Variants in PROM1 observed in about 807,000 individuals in gnomAD.
The protein encoded by PROM1 is prominin-1.
Under a neutral mutation model 116.9 loss-of-function variants are expected in PROM1, and 105 were observed. The observed-to-expected ratio is 0.90, with a 90% confidence interval of 0.77 to 1.06. The LOEUF is 1.06. Among genes scored for constraint, PROM1 ranks in the 50% least tolerant of loss-of-function variants. PROM1 has a pLI of 0.00. For missense variants in PROM1, 1,122 were observed against 1,045.2 expected (o/e 1.07, Z -1.01); for synonymous variants, 393 against 387.0 (o/e 1.02, Z -0.18).
chr4:16,076,153 T>C (rs1743907379), intron 1 of PROM1, 35 bp from the exon 2 acceptor site: 4 of 691,266 alleles, frequency 5.8e-6, no homozygotes, highest in Admixed American at 6.4e-5. Context: ...GAGTCATCAA[T>C]GCGTGTAAAC....
chr4:16,060,144 C>T (rs1739965542), intron 2 of PROM1, among the ~76,000 whole-genome samples: 1 of 152,146 alleles, frequency 6.6e-6, no homozygotes, highest in Non-Finnish European at 1.5e-5. Context: ...AGGAATGGGA[C>T]TGAAGCTTCA....
At chr4:15,978,524 G>A (rs1716816473) in intron 26 of PROM1, among the ~76,000 whole-genome samples, 1 of 152,188 alleles carries the variant, frequency 6.6e-6, no homozygotes, top group African/African-American at 2.4e-5. Flanking sequence ...CCAAAGCTGT[G>A]GGCTTACCTG....
chr4:16,009,608 G>T (rs1726375834), intron 11 of PROM1, among the ~76,000 whole-genome samples: 1 of 151,932 alleles, frequency 6.6e-6, no homozygotes, highest in Admixed American at 6.6e-5. Context: ...ACATGCTTTT[G>T]GGAAAATAAA....
chr4:15,976,006 C>T (rs928830368), intron 26 of PROM1, among the ~76,000 whole-genome samples: 2 of 152,146 alleles, frequency 1.3e-5, no homozygotes, highest in Non-Finnish European at 2.9e-5. Context: ...TGCTGTGGAC[C>T]GTTAAGGAAG....
chr4:16,078,148 C>A (rs1419836092), intron 1 of PROM1: 1 of 152,370 alleles, frequency 6.6e-6, no homozygotes, highest in African/African-American at 2.4e-5. Context: ...GCAGCTGTGG[C>A]TCCAGCATCT....
chr4:16,039,868 T>A (rs761038373), intron 2 of PROM1, among the ~76,000 whole-genome samples: 12 of 152,056 alleles, frequency 7.9e-5, no homozygotes, highest in Non-Finnish European at 1.5e-4. Context: ...CACATAGGCC[T>A]GGGACCAAAA....
chr4:15,991,730 C>T (rs1345910266), intron 17 of PROM1, among the ~76,000 whole-genome samples: 1 of 150,560 alleles, frequency 6.6e-6, no homozygotes, highest in African/African-American at 2.4e-5. Flanking sequence ...GTCAAGGGAT[C>T]GAGACTATCC....
At chr4:15,992,531 T>C (rs1721327379) in intron 16 of PROM1, 140 bp from the exon 17 acceptor site, 4 of 847,874 alleles carry the variant, frequency 4.7e-6, no homozygotes, top group Non-Finnish European at 7.0e-6. Flanking sequence ...GGTGGGAGGA[T>C]CGCTTGAGCT....
At chr4:16,049,582 C>T (rs1308384123) in intron 2 of PROM1, among the ~76,000 whole-genome samples, 1 of 152,088 alleles carries the variant, frequency 6.6e-6, no homozygotes, top group Non-Finnish European at 1.5e-5. Flanking sequence ...TAAATCAGAT[C>T]TCACCATATT....
intron 15 of PROM1, among the ~76,000 whole-genome samples, chr4:15,994,777 T>C (rs910715673): frequency 2.6e-5 from 4 of 152,214 alleles, no homozygotes; most frequent in African/African-American, 9.6e-5. Flanking sequence ...TGGCATCTCT[T>C]CCTTGCCACA....
chr4:16,029,488 G>T lies in PROM1; in HGVS notation c.509+3816C>A, dbSNP rs576255447. ...GCTTAACAGTCTACAGTGAGGGGTG[G>T]AAATTCGATCTTGTGCTGATGGTCA... is the stretch of plus-strand genomic sequence containing the variant. On this transcript the variant is annotated intron_variant, in intron 5 of 27. Coordinates refer to ENST00000447510, the MANE Select transcript of PROM1 (RefSeq NM_006017.3). Among the ~76,000 whole-genome samples the T allele has an allele frequency of 1.7e-3, 266 of 152,204 alleles. 1 individual carries two copies. The highest frequency in any genetic ancestry group is 5.6e-3 in the African/African-American group (233 of 41,520).
At chr4:16,012,979 G>A (rs1356822311) in intron 11 of PROM1, among the ~76,000 whole-genome samples, 1 of 151,606 alleles carries the variant, frequency 6.6e-6, no homozygotes, top group Non-Finnish European at 1.5e-5. Context: ...TTTCCAAACT[G>A]TGGCTGCTGT....
At chr4:16,073,170 C>T (rs1374618628) in intron 2 of PROM1, among the ~76,000 whole-genome samples, 1 of 152,144 alleles carries the variant, frequency 6.6e-6, no homozygotes, top group Non-Finnish European at 1.5e-5. Flanking sequence ...ACGAAGAGCC[C>T]ACTGGCCAGT....
At chr4:16,008,827 CAGGTCATGGCCTCCTT>C (rs1344288437) in intron 12 of PROM1, 106 bp downstream of exon 12, 1 of 908,748 alleles carries the variant, frequency 1.1e-6, no homozygotes, top group African/African-American at 1.7e-5. Flanking sequence ...TAACATATAT[CAGGTCATGGCCTCCTT>C]GTACAATTTG....
chr4:15,992,105 C>T, intron 17 of PROM1, 143 bp downstream of exon 17: 1 of 1,031,184 alleles, frequency 9.7e-7, no homozygotes, highest in Non-Finnish European at 1.4e-6. Flanking sequence ...TGTGAATGTA[C>T]TCAATGCCAC....
intron 8 of PROM1, among the ~76,000 whole-genome samples, chr4:16,018,780 C>A (rs1389317795): frequency 2.0e-5 from 3 of 152,168 alleles, no homozygotes; most frequent in Non-Finnish European, 4.4e-5. Context: ...AGGGGGCAAG[C>A]ACCAACCCAG....
At chr4:16,036,553 C>T (rs549152511) in intron 3 of PROM1, among the ~76,000 whole-genome samples, 2 of 152,310 alleles carry the variant, frequency 1.3e-5, no homozygotes, top group South Asian at 4.1e-4. Flanking sequence ...AACCAGGGCA[C>T]AAGCTCCCAA....
intron 4 of PROM1, among the ~76,000 whole-genome samples, chr4:16,034,211 G>A (rs1179929614): frequency 1.3e-5 from 2 of 152,130 alleles, no homozygotes; most frequent in African/African-American, 4.8e-5. Flanking sequence ...TGGATTGGCT[G>A]GCAAACAATT....
At chr4:15,985,323 C>T (rs1420729958) in intron 22 of PROM1, among the ~76,000 whole-genome samples, 1 of 152,080 alleles carries the variant, frequency 6.6e-6, no homozygotes, top group East Asian at 1.9e-4. Context: ...ACGAATAACC[C>T]ATGGATACTG....
Sources: allele counts gnomAD v4.1 joint callset (sites outside exome capture counted in the v4.1 genomes callset), GRCh38; gene constraint gnomAD v4.1.1; transcripts MANE v1.5; gene names NCBI Gene and HGNC (gene_info 2026-07-23, HGNC 2026-07-21).